Variants in PMM2 observed in about 807,000 individuals in gnomAD.
PMM2 encodes the protein mannose-6-phosphate isomerase.
In PMM2, 35 loss-of-function variants were observed where a neutral mutation model predicts 33.2. The observed-to-expected ratio is 1.06, with a 90% CI of 0.81 to 1.40. The LOEUF (loss-of-function observed/expected upper bound fraction) is 1.40. PMM2 is among the 40% of genes most tolerant of loss of function. The probability of loss-of-function intolerance (pLI) is 0.00; values close to 1 mark genes in which losing one functional copy is unlikely to be tolerated. For missense variants in PMM2, 386 were observed against 306.0 expected (o/e 1.26, Z -1.95); for synonymous variants, 153 against 114.7 (o/e 1.33, Z -2.13).
At chr16:8,802,117 CAG>C (rs2060620118) in intron 2 of PMM2, 1 of 557,444 alleles carries the variant, frequency 1.8e-6, no homozygotes, top group Non-Finnish European at 3.4e-6. Context: ...ACTGGGTACT[CAG>C]ATGTGTGAGT....
At chr16:8,832,051 G>A (rs909224116) in intron 7 of PMM2, 17 of 745,314 alleles carry the variant, frequency 2.3e-5, no homozygotes, top group Non-Finnish European at 2.6e-5. Flanking sequence ...CGGTTCTCTA[G>A]CCTTATTATT....
At chr16:8,847,159 C>T (rs898050123) in intron 7 of PMM2, among the ~76,000 whole-genome samples, 3 of 152,120 alleles carry the variant, frequency 2.0e-5, no homozygotes, top group Non-Finnish European at 4.4e-5. Flanking sequence ...CCACCATGCC[C>T]GGCCCACGTG....
intron 4 of PMM2, chr16:8,810,774 G>A (rs999904419): frequency 1.5e-5 from 6 of 399,760 alleles, no homozygotes; most frequent in Non-Finnish European, 2.4e-5. Flanking sequence ...ACAGAGTTTC[G>A]CCATGTTGTC....
In PMM2 at chr16:8,811,491, G is replaced by A. The variant is rs182618449; in HGVS notation, c.448-147G>A. On this transcript the variant is annotated intron_variant, in intron 5 of 7. Coordinates refer to ENST00000268261, the MANE Select transcript of PMM2 (RefSeq NM_000303.3). Reference sequence around the variant, plus strand: ...GCTATGATCATGCCACTGCGCTCCAGCCTGGGCAACAGAGCAAGACCCCCA... The same window carrying A: ...GCTATGATCATGCCACTGCGCTCCAACCTGGGCAACAGAGCAAGACCCCCA... The A allele has an allele frequency of 2.9e-3, 1,965 of 687,302 alleles. 8 individuals are homozygous for A. Among genetic ancestry groups the A allele is most frequent in the Non-Finnish European group, 3.2e-3 (1,238 of 384,746 alleles). 42.6% of individuals were successfully genotyped at this position (687,302 alleles called of 1,614,324 possible). A position where few individuals can be genotyped will look rare whatever the true frequency, so the allele number is the denominator to read the frequency against.
intron 7 of PMM2, among the ~76,000 whole-genome samples, chr16:8,839,906 G>A (rs1232856457): frequency 7.2e-6 from 1 of 138,234 alleles, no homozygotes; most frequent in East Asian, 2.2e-4. Context: ...TTTTAAATAA[G>A]TGTGAAGGAG....
At chr16:8,810,480 A>G (rs1218205131) in intron 4 of PMM2, 1 of 153,664 alleles carries the variant, frequency 6.5e-6, no homozygotes, top group African/African-American at 2.4e-5. Context: ...TATAATTTTA[A>G]ATTTTCTGTA....
At chr16:8,809,837 G>A (rs759375030) in intron 4 of PMM2, 11 of 151,944 alleles carry the variant, frequency 7.2e-5, no homozygotes, top group Non-Finnish European at 1.5e-4. Flanking sequence ...TTGAGACGGG[G>A]TCTCCCTCTG....
intron 7 of PMM2, chr16:8,832,260 AT>A (rs1466774102): frequency 2.0e-6 from 2 of 985,312 alleles, no homozygotes; most frequent in African/African-American, 3.5e-5. Context: ...TGTGTTTGTG[AT>A]GCAGATGCTC....
intron 2 of PMM2, among the ~76,000 whole-genome samples, chr16:8,803,676 T>A (rs1463315047): frequency 6.6e-6 from 1 of 152,168 alleles, no homozygotes; most frequent in African/African-American, 2.4e-5. Context: ...AGAGCTTTTT[T>A]TAAAATTTAT....
At position 8,801,867 on chromosome 16, in the gene PMM2, C is replaced by T. The variant is rs748980961; in HGVS notation, c.135C>T (p.Gly45=). ...AGAAGATCAAAATCGGAGTGGTAGG[C>T]GGATCGGACTTTGAGAAAGTGCAGG... The part of the protein sequence containing the change: ...LRQKIKIGVV[G]GSDFEKVQEQ... The change falls in exon 2 of 8, where the codon GGC becomes GGT. Residue 45 remains glycine (G), a synonymous_variant. Transcript: ENST00000268261. The T allele has an allele frequency of 4.6e-5, 74 of 1,611,360 alleles. No homozygotes were observed. The highest frequency in any genetic ancestry group is 5.3e-5 in the Non-Finnish European group (63 of 1,178,340).
At chr16:8,839,776 T>A (rs192869793) in intron 7 of PMM2, among the ~76,000 whole-genome samples, 36 of 151,942 alleles carry the variant, frequency 2.4e-4, no homozygotes, top group African/African-American at 8.4e-4. Context: ...GGTGAAAGAT[T>A]ACCTAGGGGA....
intron 7 of PMM2, among the ~76,000 whole-genome samples, chr16:8,837,498 G>C (rs906987897): frequency 3.3e-5 from 5 of 151,658 alleles, no homozygotes; most frequent in African/African-American, 1.2e-4. Context: ...GGTAAGCCCA[G>C]AGAAAAGAGT....
chr16:8,834,537 C>G (rs1229904348), intron 7 of PMM2, among the ~76,000 whole-genome samples: 63 of 152,136 alleles, frequency 4.1e-4, no homozygotes, highest in African/African-American at 1.5e-3. Context: ...TTGAGTGAAG[C>G]TAATTTGCCA....
chr16:8,823,274 G>A (rs1297141271), intron 7 of PMM2, among the ~76,000 whole-genome samples: 2 of 152,088 alleles, frequency 1.3e-5, no homozygotes, highest in Non-Finnish European at 2.9e-5. Context: ...AAAGGTAGTA[G>A]CAATTTAATT....
intron 7 of PMM2, among the ~76,000 whole-genome samples, chr16:8,844,344 G>C (rs972462812): frequency 6.6e-6 from 1 of 152,066 alleles, no homozygotes; most frequent in African/African-American, 2.4e-5. Flanking sequence ...AGGGGTTTGG[G>C]GGTTCTTACC....
At chr16:8,827,891 TATATATGATATATA>T (rs2060784888) in intron 7 of PMM2, among the ~76,000 whole-genome samples, 1 of 54,092 alleles carries the variant, frequency 1.8e-5, no homozygotes, top group African/African-American at 6.6e-5. Flanking sequence ...TAATATATGA[TATATATGATATATA>T]TTATATATAT....
intron 7 of PMM2, among the ~76,000 whole-genome samples, chr16:8,841,391 AAG>A (rs1422211396): frequency 6.6e-6 from 1 of 150,550 alleles, no homozygotes; most frequent in Admixed American, 6.6e-5. Flanking sequence ...TACTTAGACT[AAG>A]AGGTATTTTA....
At chr16:8,801,397 G>C (rs1337071601) in intron 1 of PMM2, among the ~76,000 whole-genome samples, 2 of 152,188 alleles carry the variant, frequency 1.3e-5, no homozygotes, top group African/African-American at 2.4e-5. Context: ...AAGGCTTATA[G>C]ACCTGGCTTA....
chr16:8,815,009 C>A (rs2060699036), intron 7 of PMM2, among the ~76,000 whole-genome samples: 1 of 152,132 alleles, frequency 6.6e-6, no homozygotes, highest in Admixed American at 6.6e-5. Context: ...CGCCCCGTCC[C>A]TGGCAACCAC....
Sources: gnomAD v4.1 joint callset for allele counts (sites outside exome capture counted in the v4.1 genomes callset) on GRCh38, gnomAD v4.1.1 for gene constraint, MANE v1.5 for transcripts, NCBI Gene and HGNC (gene_info 2026-07-23, HGNC 2026-07-21) for gene names.